Variants in GRM4 observed in about 807,000 individuals in gnomAD.
GRM4 encodes the protein metabotropic glutamate receptor 4.
GRM4 carries 28 observed loss-of-function variants against 81.7 expected under a neutral mutation model. The ratio of observed to expected loss-of-function variants is 0.34; its 90% CI spans 0.25 to 0.47. GRM4 has a LOEUF of 0.47. GRM4 is among the 20% of genes least tolerant of loss of function. GRM4 has a pLI of 1.00. For synonymous variants in GRM4, 488 were observed against 528.8 expected (o/e 0.92, Z 1.06); for missense variants, 948 against 1,290.0 (o/e 0.73, Z 4.06).
In GRM4 at chr6:34,078,292, T is replaced by C. The variant is rs1767419577; in HGVS notation, c.736+13591A>G. 6.6e-6 allele frequency among the ~76,000 whole-genome samples: 1 copy of C among 152,012 alleles called. No homozygotes were observed. The highest frequency in any genetic ancestry group is 6.5e-5 in the Admixed American group (1 of 15,268). On this transcript the variant is annotated intron_variant, in intron 3 of 10. Transcript: ENST00000538487. The surrounding 1 kb of genome is among the most constrained non-coding windows in gnomAD (Gnocchi z 4.8). ...TGCTTCTTCTCTGTCTCCCCCCAAA[T>C]ACACACTCTCTTCGATCATTGCACA...
At chr6:34,073,316 A>G (rs1215136625) in intron 3 of GRM4, among the ~76,000 whole-genome samples, 3 of 145,388 alleles carry the variant, frequency 2.1e-5, no homozygotes, top group African/African-American at 7.8e-5. Flanking sequence ...CCACACAGAT[A>G]CACACCACAC....
chr6:34,145,057 C>G (rs1256665244), intron 1 of GRM4, among the ~76,000 whole-genome samples: 1 of 152,140 alleles, frequency 6.6e-6, no homozygotes, highest in Non-Finnish European at 1.5e-5. Context: ...GCACGGTCCC[C>G]TCTGTCGGTC....
chr6:34,050,782 G>A (rs1445054953), intron 6 of GRM4, among the ~76,000 whole-genome samples: 3 of 152,088 alleles, frequency 2.0e-5, no homozygotes, highest in Non-Finnish European at 4.4e-5. Context: ...CTTTTCTGGA[G>A]CCACAGCACT....
At position 34,114,117 on chromosome 6, in the gene GRM4, C is replaced by A. The variant is rs538360455; in HGVS notation, c.519+18861G>T. The stretch of plus-strand genomic sequence containing the variant: ...GACTGCCTTGTGTACAAGAGCCCTT[C>A]CCCTCCTTCACAACTCTCTAGCCCC... On this transcript the variant is annotated intron_variant, in intron 2 of 10. Transcript: ENST00000538487. The surrounding 1 kb of genome is among the most constrained non-coding windows in gnomAD (Gnocchi z 4.3). 2.0e-5 allele frequency among the ~76,000 whole-genome samples: 3 copies of A among 152,318 alleles called. No homozygotes were observed. The South Asian group carries it at 6.2e-4, about 32-fold the overall frequency.
In GRM4 at chr6:34,152,253, C is replaced by T. The variant is rs557028789; in HGVS notation, c.312+2826G>A. ...GGACGTAGGCCCCGGGACCTCCCAC[C>T]GGCAGAGCCTGGAGGAGCCCGCATC... On this transcript the variant is annotated intron_variant, in intron 1 of 8. Coordinates refer to the GRM4 transcript ENST00000374177. This position sits in a 1 kb window ranked among gnomAD's most constrained non-coding sequence, Gnocchi z 4.1. 8.5e-4 allele frequency among the ~76,000 whole-genome samples: 129 copies of T among 152,324 alleles called. 2 individuals are homozygous for T. The highest frequency in any genetic ancestry group is 2.7e-3 in the African/African-American group (113 of 41,574).
chr6:34,102,160 C>T (rs1210412651), intron 2 of GRM4: 2 of 1,535,002 alleles, frequency 1.3e-6, no homozygotes, highest in Non-Finnish European at 1.7e-6. Flanking sequence ...TTAAGGTGTG[C>T]AGGGGACAGG....
chr6:34,102,246 T>G, intron 2 of GRM4: 2 of 1,130,008 alleles, frequency 1.8e-6, no homozygotes, highest in Non-Finnish European at 2.5e-6. Flanking sequence ...CAAGTGCTAA[T>G]AAAATGCCCT....
intron 2 of GRM4, among the ~76,000 whole-genome samples, chr6:34,109,008 T>A (rs1217406503): frequency 7.9e-5 from 12 of 152,086 alleles, no homozygotes; most frequent in African/African-American, 2.9e-4. Context: ...CCCTTCCCAG[T>A]AGGAATTATC....
At chr6:34,031,404 G>A (rs79689842) in intron 9 of GRM4, among the ~76,000 whole-genome samples, 2,184 of 152,326 alleles carry the variant, frequency 0.014, 19 homozygotes, top group East Asian at 0.024. Context: ...GGACACCTGG[G>A]GTGAGGATAG....
chr6:34,055,201 G>C (rs1581625770), intron 6 of GRM4: 1 of 152,264 alleles, frequency 6.6e-6, no homozygotes, highest in East Asian at 1.9e-4. Context: ...GCTCACCCAG[G>C]AATACATAAG....
intron 6 of GRM4, 118 bp downstream of exon 6, chr6:34,056,425 CG>C: frequency 1.1e-6 from 1 of 909,596 alleles, no homozygotes; most frequent in Non-Finnish European, 1.6e-6. Flanking sequence ...CCCAACTGCA[CG>C]TCCTGCCACG....
chr6:34,083,463 G>A (rs1352909974), intron 3 of GRM4, among the ~76,000 whole-genome samples: 5 of 152,184 alleles, frequency 3.3e-5, no homozygotes, highest in East Asian at 1.9e-4. Flanking sequence ...CCCAGCTGGC[G>A]CGTGGTGGGT....
intron 2 of GRM4, among the ~76,000 whole-genome samples, chr6:34,131,868 A>G (rs1205180430): frequency 2.0e-5 from 3 of 152,148 alleles, no homozygotes; most frequent in Admixed American, 2.0e-4. Flanking sequence ...ATCTGACACC[A>G]GGGTGAGGGA....
intron 1 of GRM4, among the ~76,000 whole-genome samples, chr6:34,141,568 A>G (rs1344263612): frequency 6.6e-6 from 1 of 152,026 alleles, no homozygotes; most frequent in South Asian, 2.1e-4. Context: ...TTTTGACAGG[A>G]GTCATCAGCT....
intron 3 of GRM4, among the ~76,000 whole-genome samples, chr6:34,086,644 C>G (rs1417898402): frequency 6.6e-6 from 1 of 152,172 alleles, no homozygotes; most frequent in Non-Finnish European, 1.5e-5. Context: ...GACTTCCTGC[C>G]CCATGCACCA....
At chr6:34,129,984 T>A (rs531927779) in intron 2 of GRM4, among the ~76,000 whole-genome samples, 13 of 152,142 alleles carry the variant, frequency 8.5e-5, no homozygotes, top group Admixed American at 7.8e-4. Context: ...CAGGCCACAT[T>A]AACCCATCAT....
Position 34,035,559 on chromosome 6 carries a change from T to TGAGGCAA in GRM4, c.2442+108_2442+109insTTGCCTC, listed in dbSNP as rs1562012244. 0.012 allele frequency: 6,990 copies of TGAGGCAA among 584,740 alleles called. 89 individuals carry two copies. Among genetic ancestry groups the TGAGGCAA allele is most frequent in the South Asian group, 0.017 (693 of 41,904 alleles). The allele number at this position is 584,740 out of a possible 1,614,324, so 36.2% of individuals were successfully genotyped here. ...GCAAGAAAGAAGGCAGAATGAGGCA[T>TGAGGCAA]GAAAGAAGGCATTTCTGGAGCAGGG... On this transcript the variant is annotated intron_variant, in intron 9 of 10. Transcript: ENST00000538487. This position sits in a 1 kb window ranked among gnomAD's most constrained non-coding sequence, Gnocchi z 6.6.
At chr6:34,027,906 C>A (rs911790089) in intron 10 of GRM4, among the ~76,000 whole-genome samples, 1 of 152,204 alleles carries the variant, frequency 6.6e-6, no homozygotes, top group Non-Finnish European at 1.5e-5. Context: ...CCAGGAGGGG[C>A]AGGACAGAAC....
At chr6:34,024,523 A>G in intron 10 of GRM4, 1 of 384,120 alleles carries the variant, frequency 2.6e-6, no homozygotes, top group South Asian at 1.9e-5. Context: ...GAAGCCCACT[A>G]ACACAGGCAG....
Sources: gnomAD v4.1 joint callset for allele counts (sites outside exome capture counted in the v4.1 genomes callset) on GRCh38, gnomAD v4.1.1 for gene constraint, Gnocchi (gnomAD v3.1) non-coding constraint, MANE v1.5 for transcripts, NCBI Gene and HGNC (gene_info 2026-07-23, HGNC 2026-07-21) for gene names.